The following DPYD variants were observed in gnomAD, a reference collection of about 807,000 sequenced individuals.
The protein encoded by DPYD is dihydropyrimidine dehydrogenase, also known as dihydropyrimidine dehydrogenase [NADP(+)].
A neutral mutation model predicts 116.2 loss-of-function variants in DPYD; 109 were observed. That is an observed-to-expected ratio of 0.94 (90% CI 0.80 to 1.10). The LOEUF (loss-of-function observed/expected upper bound fraction) is 1.10, where lower values mean the gene tolerates loss of function less well. DPYD is among the 50% of genes least tolerant of loss of function. The probability of loss-of-function intolerance (pLI) is 0.00; values close to 1 mark genes in which losing one functional copy is unlikely to be tolerated. For synonymous variants in DPYD, 440 were observed against 432.0 expected (o/e 1.02, Z -0.23); for missense variants, 1,302 against 1,254.5 (o/e 1.04, Z -0.57).
intron 18 of DPYD, among the ~76,000 whole-genome samples, chr1:97,238,907 T>C (rs1662132089): frequency 6.6e-6 from 1 of 152,182 alleles, no homozygotes; most frequent in African/African-American, 2.4e-5. Context: ...CATCAAGCCA[T>C]TCTGCTTCAA....
chr1:97,755,340 C>A (rs1008429181), intron 3 of DPYD, among the ~76,000 whole-genome samples: 2 of 152,150 alleles, frequency 1.3e-5, no homozygotes, highest in African/African-American at 4.8e-5. Context: ...CAGTGGGATG[C>A]CCCCATTAGT....
intron 3 of DPYD, among the ~76,000 whole-genome samples, chr1:97,776,194 T>A (rs1666399768): frequency 1.3e-5 from 2 of 152,204 alleles, no homozygotes; most frequent in Non-Finnish European, 2.9e-5. Flanking sequence ...TGATTGTATT[T>A]TTCTTTAGCT....
chr1:97,131,792 A>G (rs1444980933), intron 20 of DPYD, among the ~76,000 whole-genome samples: 1 of 152,166 alleles, frequency 6.6e-6, no homozygotes, highest in Non-Finnish European at 1.5e-5. Flanking sequence ...CCTAACAGGA[A>G]GAAAATCCAT....
At chr1:97,430,591 G>GA (rs5776365) in intron 14 of DPYD, among the ~76,000 whole-genome samples, 145,148 of 148,672 alleles carry the variant, frequency 0.98, 70,870 homozygotes, top group East Asian at 0.99. Context: ...TCAGTCTTGG[G>GA]AAAAAAAAAA....
At chr1:97,356,428 A>C (rs567021942) in intron 16 of DPYD, among the ~76,000 whole-genome samples, 53 of 152,120 alleles carry the variant, frequency 3.5e-4, no homozygotes, top group Admixed American at 3.5e-3. Context: ...GAAGCTTTTT[A>C]TTTTGATGTA....
intron 20 of DPYD, among the ~76,000 whole-genome samples, chr1:97,192,529 G>A (rs1216178556): frequency 6.6e-6 from 1 of 152,106 alleles, no homozygotes; most frequent in Non-Finnish European, 1.5e-5. Flanking sequence ...TAAAATCACT[G>A]TATTATAGAA....
At chr1:97,715,115 A>T (rs567345664) in intron 5 of DPYD, among the ~76,000 whole-genome samples, 35 of 152,214 alleles carry the variant, frequency 2.3e-4, no homozygotes, top group African/African-American at 4.8e-4. Flanking sequence ...ATTAGCTGTG[A>T]TTTTGTAATC....
intron 16 of DPYD, among the ~76,000 whole-genome samples, chr1:97,351,521 G>A (rs1471513895): frequency 6.6e-6 from 1 of 152,098 alleles, no homozygotes; most frequent in African/African-American, 2.4e-5. Flanking sequence ...GAAATTTAGA[G>A]ATATGAGGTC....
At chr1:97,212,958 A>T (rs970324050) in intron 19 of DPYD, among the ~76,000 whole-genome samples, 1 of 152,144 alleles carries the variant, frequency 6.6e-6, no homozygotes, top group Non-Finnish European at 1.5e-5. Context: ...TTCAATAACA[A>T]ACATTCATTT....
chr1:97,863,043 TAGTG>T (rs1191468099), intron 2 of DPYD, among the ~76,000 whole-genome samples: 1 of 151,914 alleles, frequency 6.6e-6, no homozygotes, highest in Non-Finnish European at 1.5e-5. Flanking sequence ...TTTTTAATCT[TAGTG>T]ATATATTTTA....
Position 97,079,097 on chromosome 1 carries a change from C to A in DPYD, c.2957G>T (p.Cys986Phe), listed in dbSNP as rs1250529397. 1 of 1,613,592 alleles carries A rather than the reference C, an allele frequency of 6.2e-7. No individual in the cohort carries two copies. Among genetic ancestry groups the A allele is most frequent in the African/African-American group, 1.3e-5 (1 of 74,852 alleles). Residue 986 changes from cysteine to phenylalanine, a missense_variant, in exon 23 of 23, where the codon TGT becomes TTT. Physicochemically the swap from Cys to Phe is radical, Grantham distance 205. Coordinates refer to ENST00000370192, the MANE Select transcript of DPYD (RefSeq NM_000110.4). ...ETHLPTITDTCTGCTLCLSVC... is the reference protein window; with the variant it reads ...ETHLPTITDTFTGCTLCLSVC... ...ACTGAGACACAGAGTACAGCCTGTA[C>A]AAGTGTCGGTTATGGTGGGCAGGTG... is the stretch of plus-strand genomic sequence containing the variant.
intron 12 of DPYD, chr1:97,546,811 C>A: frequency 6.2e-7 from 1 of 1,612,784 alleles, no homozygotes; most frequent in South Asian, 1.1e-5. Flanking sequence ...TCAGATTAAA[C>A]CATTGAAGTT....
chr1:97,670,038 G>A lies in DPYD; in HGVS notation c.850+9057C>T, dbSNP rs1659771811. On this transcript the variant is annotated intron_variant, in intron 8 of 22. Transcript: ENST00000370192. ...CTATTTGAAAACCACTGTGTACTGT[G>A]CACATGAATACAATGTAGTCTTGAA... 3.3e-5 allele frequency among the ~76,000 whole-genome samples: 5 copies of A among 152,192 alleles called. 1 individual carries two copies. The South Asian group carries it at 1.0e-3, about 32-fold the overall frequency.
intron 18 of DPYD, among the ~76,000 whole-genome samples, chr1:97,281,797 T>A (rs186369531): frequency 2.6e-5 from 4 of 152,008 alleles, no homozygotes; most frequent in Admixed American, 2.6e-4. Flanking sequence ...TAATTTTAAT[T>A]TTTTCCCCCA....
chr1:97,288,404 C>T (rs1221915180), intron 18 of DPYD, among the ~76,000 whole-genome samples: 2 of 151,848 alleles, frequency 1.3e-5, no homozygotes, highest in South Asian at 2.1e-4. Flanking sequence ...CACCACACCA[C>T]ACCTATTCCA....
chr1:97,373,564 C>T lies in DPYD; in HGVS notation c.2055G>A (p.Gly685=). 1.2e-6 allele frequency: 2 copies of T among 1,613,416 alleles called. No individual in the cohort carries two copies. Among genetic ancestry groups the T allele is most frequent in the Non-Finnish European group, 1.7e-6 (2 of 1,179,642 alleles). Residue 685 remains glycine (G), a synonymous_variant, in exon 16 of 23, where the codon GGG becomes GGA. Transcript: ENST00000370192. ...MGERGMGLAC[G]QDPELVRNIC... ...TGGCAGCTGTCAAGGTCCTTACCTG[C>T]CCACAGGCCAGGCCCATTCCTCTTT...
At chr1:97,707,496 A>G (rs1662043460) in intron 5 of DPYD, among the ~76,000 whole-genome samples, 1 of 128,398 alleles carries the variant, frequency 7.8e-6, no homozygotes, top group South Asian at 2.4e-4. Flanking sequence ...TCCTGTGTCC[A>G]TGTGATCTCA....
chr1:97,175,798 CA>C (rs776488787), intron 20 of DPYD, among the ~76,000 whole-genome samples: 41 of 152,076 alleles, frequency 2.7e-4, no homozygotes, highest in Non-Finnish European at 5.4e-4. Flanking sequence ...TTAATTGATT[CA>C]AAAGTGGGAA....
At chr1:97,871,805 A>G (rs1337382746) in intron 2 of DPYD, among the ~76,000 whole-genome samples, 1 of 151,702 alleles carries the variant, frequency 6.6e-6, no homozygotes, top group Non-Finnish European at 1.5e-5. Flanking sequence ...TTCCATATAC[A>G]TTGTTCTCTA....
Sources: gnomAD v4.1 joint callset for allele counts (sites outside exome capture counted in the v4.1 genomes callset) on GRCh38, gnomAD v4.1.1 for gene constraint, MANE v1.5 for transcripts, NCBI Gene and HGNC (gene_info 2026-07-23, HGNC 2026-07-21) for gene names.